Variants in RGP1 observed in about 807,000 individuals in gnomAD.
RGP1 encodes the protein RGP1 partner of RAB6A GEF complex.
Under a neutral mutation model 44.5 loss-of-function variants are expected in RGP1, and 28 were observed. The ratio of observed to expected loss-of-function variants is 0.63; its 90% CI spans 0.47 to 0.86. The LOEUF (loss-of-function observed/expected upper bound fraction) is 0.86. RGP1 is among the 40% of genes least tolerant of loss of function. The pLI, the probability that RGP1 is intolerant of heterozygous loss-of-function variation, is 0.00. For synonymous variants in RGP1, 212 were observed against 196.7 expected (o/e 1.08, Z -0.65); for missense variants, 417 against 490.7 (o/e 0.85, Z 1.42).
the RGP1 span, among the ~76,000 whole-genome samples, chr9:35,770,600 G>A: frequency 6.6e-6 from 1 of 151,076 alleles, no homozygotes; most frequent in Non-Finnish European, 1.5e-5. Flanking sequence ...CCAGGGGCAG[G>A]TAGAGAAGGA....
the RGP1 span, among the ~76,000 whole-genome samples, chr9:35,783,790 T>C: frequency 2.0e-5 from 3 of 152,220 alleles, no homozygotes; most frequent in African/African-American, 7.2e-5. Flanking sequence ...TGATTTCATT[T>C]CCTTTGCATA....
chr9:35,764,248 T>C, the RGP1 span, among the ~76,000 whole-genome samples: 8 of 152,260 alleles, frequency 5.3e-5, no homozygotes, highest in Non-Finnish European at 8.8e-5. Flanking sequence ...CTTGGTCTGA[T>C]TTTTAAAAAT....
chr9:35,768,926 G>A, the RGP1 span, among the ~76,000 whole-genome samples: 1 of 152,320 alleles, frequency 6.6e-6, no homozygotes, highest in South Asian at 2.1e-4. Flanking sequence ...GGCTTAAGAG[G>A]GACAATGTAG....
chr9:35,785,719 A>T, the RGP1 span, among the ~76,000 whole-genome samples: 27,022 of 152,036 alleles, frequency 0.18, 2,548 homozygotes, highest in East Asian at 0.31. Context: ...GCCGGGGTTC[A>T]CGGCTTGCCA....
chr9:35,770,492 GGAGAGAGAGAGAGA>G, the RGP1 span, among the ~76,000 whole-genome samples: 18,326 of 107,108 alleles, frequency 0.17, 1,623 homozygotes, highest in East Asian at 0.33. Flanking sequence ...GTATTACCAT[GGAGAGAGAGAGAGA>G]GAGAGAGAGA....
the RGP1 span, among the ~76,000 whole-genome samples, chr9:35,779,362 A>G: frequency 2.6e-5 from 4 of 152,192 alleles, no homozygotes; most frequent in African/African-American, 7.2e-5. Context: ...GATCTACATG[A>G]AAGAGAGATT....
chr9:35,780,262 C>G, the RGP1 span: 2 of 152,126 alleles, frequency 1.3e-5, no homozygotes, highest in South Asian at 4.1e-4. Context: ...TTCTCTCCAC[C>G]GCAGGTTCCT....
the RGP1 span, among the ~76,000 whole-genome samples, chr9:35,775,796 C>G: frequency 2.0e-5 from 3 of 152,170 alleles, 1 homozygote; most frequent in South Asian, 6.2e-4. Context: ...TTTTGCTTTA[C>G]TCTTCCAGAA....
At position 35,749,955 on chromosome 9, in the gene RGP1, C is replaced by A; in HGVS notation, c.116+84C>A. 9.2e-7 allele frequency: 1 copy of A among 1,087,652 alleles called. No individual in the cohort carries two copies. The highest frequency in any genetic ancestry group is 1.4e-5 in the South Asian group (1 of 72,504). The allele number at this position is 1,087,652 out of a possible 1,614,324, so 67.4% of individuals were successfully genotyped here. ...GGGCTGAGGCAGAGCTCAGGTTGTCCTGTAGCGACACCACCTCCTCTTGCT... is the reference window on the plus strand; with the variant it reads ...GGGCTGAGGCAGAGCTCAGGTTGTCATGTAGCGACACCACCTCCTCTTGCT... On this transcript the variant is annotated intron_variant, in intron 2 of 8. Transcript: ENST00000378078. The surrounding 1 kb of genome is among the most constrained non-coding windows in gnomAD (Gnocchi z 4.4).
In RGP1 at chr9:35,752,743, A is replaced by G; in HGVS notation, c.1045A>G (p.Thr349Ala). Reference protein sequence around the residue: ...LPPVEQPEPTTWTGPEQVPVD... With the variant: ...LPPVEQPEPTAWTGPEQVPVD... ...CCCTGTGGAACAGCCCGAACCTACC[A>G]CCTGGACAGGACCTGAGCAAGTACC... is the stretch of plus-strand genomic sequence containing the variant. The change falls in exon 9 of 9, where the codon ACC becomes GCC. Residue 349 changes from threonine to alanine, a missense_variant. By Grantham distance (58) the Thr-to-Ala change is moderately conservative. Transcript: ENST00000378078. 1 of 1,613,624 alleles carries G rather than the reference A, an allele frequency of 6.2e-7. No individual in the cohort carries two copies. The highest frequency in any genetic ancestry group is 1.1e-5 in the South Asian group (1 of 91,012).
intron 5 of RGP1, 78 bp downstream of exon 5, chr9:35,751,067 G>C: frequency 1.9e-6 from 3 of 1,555,598 alleles, no homozygotes; most frequent in Non-Finnish European, 2.6e-6. Flanking sequence ...GCTTGCAAGA[G>C]GGACTGCAGG....
At chr9:35,761,970 A>G (rs187039023), downstream of RGP1, among the ~76,000 whole-genome samples, 5 of 152,288 alleles carry the variant, frequency 3.3e-5, no homozygotes, top group Admixed American at 2.6e-4. Context: ...CCTGGTCAAC[A>G]TGGTAAAACC....
rs1393915522 is a variant in RGP1, at chr9:35,754,647, A to T, written c.*1773A>T. 1 of 152,456 alleles carries T rather than the reference A, an allele frequency of 6.6e-6. No individual in the cohort carries two copies. The highest frequency in any genetic ancestry group is 1.9e-4 in the East Asian group (1 of 5,180). The allele number at this position is 152,456 out of a possible 1,614,324, so 9.4% of individuals were successfully genotyped here. A position where few individuals can be genotyped will look rare whatever the true frequency, so the allele number is the denominator to read the frequency against. ...GACCGGAGGGAGGCATTTCCTGGGG[A>T]TGGTTAATCCTGTGCCCCAGCCAAA... On this transcript the variant is annotated 3_prime_UTR_variant, in exon 9 of 9. Coordinates refer to ENST00000378078, the MANE Select transcript of RGP1 (RefSeq NM_001080496.3).
At chr9:35,777,121 G>A in the RGP1 span, among the ~76,000 whole-genome samples, 33 of 137,282 alleles carry the variant, frequency 2.4e-4, no homozygotes, top group South Asian at 6.8e-4. Flanking sequence ...TAAATCAGGT[G>A]TTTTTCTTTT....
At chr9:35,765,622 A>T in the RGP1 span, among the ~76,000 whole-genome samples, 5 of 150,080 alleles carry the variant, frequency 3.3e-5, no homozygotes, top group Admixed American at 3.4e-4. Flanking sequence ...TTGCTTCTGC[A>T]CTCCAGCCTG....
rs927929748 is a variant in RGP1 at position 35,753,786 on chromosome 9, A to T, written c.*912A>T. The T allele has an allele frequency of 6.2e-7, 1 of 1,608,248 alleles. No homozygotes were observed. Among genetic ancestry groups the T allele is most frequent in the Non-Finnish European group, 8.5e-7 (1 of 1,174,844 alleles). On this transcript the variant is annotated 3_prime_UTR_variant, in exon 9 of 9. Coordinates refer to ENST00000378078, the MANE Select transcript of RGP1 (RefSeq NM_001080496.3). The surrounding 1 kb of genome is among the most constrained non-coding windows in gnomAD (Gnocchi z 4.2). Reference sequence around the variant, plus strand: ...ACAGGGGGCTAGGGAAGAACGGGAAATGTTAGTAGGTGTAGGAGTGCTGAT... The same window carrying T: ...ACAGGGGGCTAGGGAAGAACGGGAATTGTTAGTAGGTGTAGGAGTGCTGAT...
the RGP1 span, chr9:35,772,441 T>C: frequency 6.6e-6 from 1 of 152,180 alleles, no homozygotes; most frequent in African/African-American, 2.4e-5. Flanking sequence ...AGGAACTTAC[T>C]GTCATATGCA....
At chr9:35,783,391 T>A in the RGP1 span, among the ~76,000 whole-genome samples, 1 of 152,148 alleles carries the variant, frequency 6.6e-6, no homozygotes, top group Admixed American at 6.6e-5. Context: ...AAAGTCACCC[T>A]ACTGTGCAAG....
rs1588035509 is a variant in RGP1 at position 35,751,386 on chromosome 9, T to C, written c.608T>C (p.Met203Thr). The part of the protein sequence containing the change: ...WLAELAGERL[M>T]AATSCRSLHL... ...GCTGAGCTGGCTGGGGAACGCCTAA[T>C]GGCTGCCACATCCTGCCGCAGCCTC... The change falls in exon 6 of 9, where the codon ATG (methionine) becomes ACG (threonine). Residue 203 changes from methionine (M) to threonine (T), a missense_variant. Physicochemically the swap from Met to Thr is moderately conservative, Grantham distance 81. Coordinates refer to ENST00000378078, the MANE Select transcript of RGP1 (RefSeq NM_001080496.3). 2 of 1,613,864 alleles carry C rather than the reference T, an allele frequency of 1.2e-6. No homozygotes were observed. Among genetic ancestry groups the C allele is most frequent in the Admixed American group, 3.3e-5 (2 of 59,996 alleles).
Sources: allele counts gnomAD v4.1 joint callset (sites outside exome capture counted in the v4.1 genomes callset), GRCh38; gene constraint gnomAD v4.1.1; non-coding constraint Gnocchi (gnomAD v3.1); transcripts MANE v1.5; gene names NCBI Gene and HGNC (gene_info 2026-07-23, HGNC 2026-07-21).